Variants in ZMIZ1 observed in about 807,000 individuals in gnomAD.
ZMIZ1 encodes zinc finger MIZ domain-containing protein 1.
Under a neutral mutation model 113.9 loss-of-function variants are expected in ZMIZ1, and 17 were observed. The ratio of observed to expected loss-of-function variants is 0.15; its 90% CI spans 0.10 to 0.22. The LOEUF is 0.22. Among genes scored for constraint, ZMIZ1 ranks in the 10% least tolerant of loss-of-function variants. The pLI, the probability that ZMIZ1 is intolerant of heterozygous loss-of-function variation, is 1.00. For missense variants in ZMIZ1, 1,059 were observed against 1,477.8 expected (o/e 0.72, Z 4.65); for synonymous variants, 607 against 603.1 (o/e 1.01, Z -0.09).
At chr10:79,128,511 G>A (rs1361547259) in intron 2 of ZMIZ1, among the ~76,000 whole-genome samples, 1 of 152,314 alleles carries the variant, frequency 6.6e-6, no homozygotes. Context: ...AATCGCAGTG[G>A]GCAAAACATG....
intron 7 of ZMIZ1, among the ~76,000 whole-genome samples, chr10:79,231,610 G>C (rs757929537): frequency 6.7e-6 from 1 of 150,340 alleles, no homozygotes; most frequent in Admixed American, 6.6e-5. Context: ...ACGGAGTCTC[G>C]CTCTGTCACC....
In ZMIZ1 at chr10:79,282,527, G is replaced by C. The variant is rs570827254; in HGVS notation, c.425+5202G>C. On this transcript the variant is annotated intron_variant, in intron 8 of 24. Coordinates refer to ENST00000334512, the MANE Select transcript of ZMIZ1 (RefSeq NM_020338.4). Reference sequence around the variant, plus strand: ...GGTGACTGTCATATTTGGAGAGCTCGGGTGTCACAATCATGTCTGCTGCAG... The same window carrying C: ...GGTGACTGTCATATTTGGAGAGCTCCGGTGTCACAATCATGTCTGCTGCAG... Among the ~76,000 whole-genome samples the C allele has an allele frequency of 3.2e-4, 49 of 152,318 alleles. No homozygotes were observed. In the South Asian group the frequency reaches 7.3e-3, roughly 23 times the overall value.
intron 14 of ZMIZ1, 104 bp from the exon 15 acceptor site, chr10:79,298,302 G>A: frequency 1.5e-6 from 2 of 1,297,738 alleles, no homozygotes; most frequent in Non-Finnish European, 2.1e-6. Context: ...CTCCCGAGGG[G>A]CATGGCTCCA....
At chr10:79,303,090 G>C (rs1854437846) in intron 18 of ZMIZ1, among the ~76,000 whole-genome samples, 1 of 151,912 alleles carries the variant, frequency 6.6e-6, no homozygotes, top group African/African-American at 2.4e-5. Flanking sequence ...ACAATCTCCT[G>C]ACCTCACGAT....
chr10:79,226,655 A>T (rs896744594), intron 7 of ZMIZ1, among the ~76,000 whole-genome samples: 1 of 152,174 alleles, frequency 6.6e-6, no homozygotes, highest in Non-Finnish European at 1.5e-5. Flanking sequence ...AGGGTGTGAG[A>T]GTGAAATGGA....
At chr10:79,124,390 T>C (rs2132344573) in intron 2 of ZMIZ1, among the ~76,000 whole-genome samples, 1 of 152,340 alleles carries the variant, frequency 6.6e-6, no homozygotes, top group East Asian at 1.9e-4. Flanking sequence ...ACACAGGTTA[T>C]AGTGGAGCTA....
chr10:79,237,134 C>T (rs1231326772), intron 7 of ZMIZ1, among the ~76,000 whole-genome samples: 1 of 135,506 alleles, frequency 7.4e-6, no homozygotes, highest in East Asian at 2.9e-4. Flanking sequence ...GCATTCCTGG[C>T]AGAACCCTGG....
rs536750799 is a variant in ZMIZ1 at position 79,157,942 on chromosome 10, T to C, written c.-130-4111T>C. ...GCCTGACCAGCAGCTGTTTGGCACA[T>C]CTGTAAAATGACAGTAGAACAGCTC... is the stretch of plus-strand genomic sequence containing the variant. On this transcript the variant is annotated intron_variant, in intron 3 of 24. Transcript: ENST00000334512. Among the ~76,000 whole-genome samples the C allele has an allele frequency of 3.0e-4, 45 of 151,780 alleles. No individual in the cohort carries two copies. The South Asian group carries it at 8.7e-3, about 29-fold the overall frequency.
At chr10:79,107,838 TG>T (rs1430149330) in intron 1 of ZMIZ1, among the ~76,000 whole-genome samples, 1 of 151,772 alleles carries the variant, frequency 6.6e-6, no homozygotes, top group Non-Finnish European at 1.5e-5. Context: ...AGGGTGGAGG[TG>T]GGGTTGAGAA....
intron 4 of ZMIZ1, among the ~76,000 whole-genome samples, chr10:79,187,662 A>G (rs116462987): frequency 1.3e-5 from 2 of 152,184 alleles, no homozygotes; most frequent in African/African-American, 2.4e-5. Context: ...GAGGTGAGCC[A>G]TGTGTCCACA....
At chr10:79,138,861 T>C (rs549972820) in intron 2 of ZMIZ1, among the ~76,000 whole-genome samples, 4 of 152,168 alleles carry the variant, frequency 2.6e-5, no homozygotes, top group Non-Finnish European at 4.4e-5. Context: ...GCATGATTGC[T>C]TTGGACAAGG....
At chr10:79,178,960 G>C (rs1276700995) in intron 4 of ZMIZ1, among the ~76,000 whole-genome samples, 2 of 152,196 alleles carry the variant, frequency 1.3e-5, no homozygotes, top group Non-Finnish European at 2.9e-5. Flanking sequence ...CTCTGCTCTG[G>C]CCCAGGTTCC....
chr10:79,302,836 G>A (rs998259012), intron 18 of ZMIZ1, among the ~76,000 whole-genome samples: 32 of 150,348 alleles, frequency 2.1e-4, no homozygotes, highest in African/African-American at 6.9e-4. Context: ...TGGGACTATA[G>A]GTGCATGCCA....
chr10:79,201,714 C>A (rs777269085), intron 5 of ZMIZ1, 22 bp downstream of exon 5: 132 of 1,610,876 alleles, frequency 8.2e-5, no homozygotes, highest in Non-Finnish European at 1.0e-4. Flanking sequence ...GCAAGGCACA[C>A]TCCGAGGGCG....
intron 7 of ZMIZ1, among the ~76,000 whole-genome samples, chr10:79,245,821 G>C (rs1305215252): frequency 6.6e-6 from 1 of 152,130 alleles, no homozygotes; most frequent in African/African-American, 2.4e-5. Context: ...GATGAGTTAA[G>C]CTTATCCTTG....
chr10:79,306,117 T>G lies in ZMIZ1; in HGVS notation c.2441T>G (p.Val814Gly). 6.2e-7 allele frequency: 1 copy of G among 1,613,282 alleles called. No homozygotes were observed. The highest frequency in any genetic ancestry group is 8.5e-7 in the Non-Finnish European group (1 of 1,179,920). The stretch of plus-strand genomic sequence containing the variant: ...TCCCCCAGCTCCGAGTTTGAAGAGG[T>G]CACCATCGATCCCACGTGCAGCTGG... ...NAIQHSEFEE[V>G]TIDPTCSWRP... Residue 814 changes from valine to glycine, a missense_variant, in exon 22 of 25, where the codon GTC becomes GGC. Physicochemically the swap from Val to Gly is moderately radical, Grantham distance 109. This residue lies in a region of ZMIZ1 where 217 missense variants were observed against 426.9 expected (regional missense o/e 0.51). Coordinates refer to ENST00000334512, the MANE Select transcript of ZMIZ1 (RefSeq NM_020338.4).
intron 3 of ZMIZ1, among the ~76,000 whole-genome samples, chr10:79,143,156 C>G (rs1041803958): frequency 6.6e-6 from 1 of 152,182 alleles, no homozygotes; most frequent in African/African-American, 2.4e-5. Context: ...AACAAGTGTG[C>G]TCCTGACCTT....
chr10:79,151,669 C>T (rs988391507), intron 3 of ZMIZ1, among the ~76,000 whole-genome samples: 3 of 152,216 alleles, frequency 2.0e-5, no homozygotes, highest in Non-Finnish European at 2.9e-5. Context: ...GCACCACCAC[C>T]CCTCCTTCTT....
chr10:79,213,431 T>A (rs914419908), intron 6 of ZMIZ1, among the ~76,000 whole-genome samples: 3 of 152,134 alleles, frequency 2.0e-5, no homozygotes, highest in Non-Finnish European at 4.4e-5. Flanking sequence ...GACTTCCTCA[T>A]CAGTGAAAGG....
Sources: gnomAD v4.1 joint callset for allele counts (sites outside exome capture counted in the v4.1 genomes callset) on GRCh38, gnomAD v4.1.1 for gene constraint, gnomAD v4.1.1 regional missense constraint, MANE v1.5 for transcripts, NCBI Gene and HGNC (gene_info 2026-07-23, HGNC 2026-07-21) for gene names.